Variants in DPYD observed in about 807,000 individuals in gnomAD.
The protein encoded by DPYD is dihydropyrimidine dehydrogenase.
DPYD carries 109 observed loss-of-function variants against 116.2 expected under a neutral mutation model. The ratio of observed to expected loss-of-function variants is 0.94; its 90% CI spans 0.80 to 1.10. The LOEUF is 1.10. DPYD is among the 50% of genes least tolerant of loss of function. The pLI, the probability that DPYD is intolerant of heterozygous loss-of-function variation, is 0.00. For synonymous variants in DPYD, 440 were observed against 432.0 expected (o/e 1.02, Z -0.23); for missense variants, 1,302 against 1,254.5 (o/e 1.04, Z -0.57).
intron 17 of DPYD, among the ~76,000 whole-genome samples, chr1:97,305,721 C>T (rs1483294659): frequency 6.6e-6 from 1 of 151,914 alleles, no homozygotes; most frequent in Admixed American, 6.6e-5. Flanking sequence ...TTGTATTCAA[C>T]AGATATTTAT....
chr1:97,785,851 C>A (rs1459017107), intron 3 of DPYD, among the ~76,000 whole-genome samples: 1 of 151,384 alleles, frequency 6.6e-6, no homozygotes, highest in Non-Finnish European at 1.5e-5. Flanking sequence ...GGCCACCACG[C>A]CCAGCTAATT....
chr1:97,292,474 G>A (rs929132574), intron 18 of DPYD, among the ~76,000 whole-genome samples: 11 of 152,144 alleles, frequency 7.2e-5, no homozygotes, highest in African/African-American at 2.7e-4. Flanking sequence ...ACTATCATGA[G>A]AACAGCATAG....
At chr1:97,810,944 G>C (rs1163128548) in intron 3 of DPYD, among the ~76,000 whole-genome samples, 1 of 152,054 alleles carries the variant, frequency 6.6e-6, no homozygotes, top group East Asian at 1.9e-4. Flanking sequence ...CTCCCACAAT[G>C]TAACTCCGTA....
intron 3 of DPYD, among the ~76,000 whole-genome samples, chr1:97,779,423 T>C (rs1213530558): frequency 6.6e-6 from 1 of 151,866 alleles, no homozygotes; most frequent in Non-Finnish European, 1.5e-5. Context: ...AATACACTAG[T>C]GTGTGAAATT....
In DPYD at chr1:97,212,503, T is replaced by C. The variant is rs148142438; in HGVS notation, c.2443-19255A>G. ...ATTTAGACTGTGTCCAGTTTTGGGG[T>C]ATTAGAAACAATGCTGCTATGACCA... On this transcript the variant is annotated intron_variant, in intron 19 of 22. Transcript: ENST00000370192. Among the ~76,000 whole-genome samples, 1,498 of 152,156 alleles carry C rather than the reference T, an allele frequency of 9.8e-3. 26 individuals carry two copies. The highest frequency in any genetic ancestry group is 0.034 in the African/African-American group (1,405 of 41,530).
intron 19 of DPYD, among the ~76,000 whole-genome samples, chr1:97,193,875 C>T (rs1658562651): frequency 6.6e-6 from 1 of 152,154 alleles, no homozygotes; most frequent in South Asian, 2.1e-4. Flanking sequence ...TTCTTTTCCA[C>T]ACATGGCTAA....
At position 97,379,788 on chromosome 1, in the gene DPYD, T is replaced by C. The variant is rs181057757; in HGVS notation, c.1974+2605A>G. 6.6e-5 allele frequency among the ~76,000 whole-genome samples: 10 copies of C among 152,330 alleles called. No homozygotes were observed. In the East Asian group the frequency reaches 1.9e-3, roughly 29 times the overall value. On this transcript the variant is annotated intron_variant, in intron 15 of 22. Transcript: ENST00000370192. ...GCCCTACGGAGTGAAATGGGGCCAG[T>C]GAGAGACAGGAGACTGAAGGAGCCA...
At chr1:97,364,873 G>C (rs1670942390) in intron 16 of DPYD, among the ~76,000 whole-genome samples, 1 of 152,114 alleles carries the variant, frequency 6.6e-6, no homozygotes, top group Non-Finnish European at 1.5e-5. Context: ...TCCTTCTCTA[G>C]TCAGGCAAAT....
At chr1:97,204,147 T>C (rs1230263934) in intron 19 of DPYD, among the ~76,000 whole-genome samples, 7 of 152,122 alleles carry the variant, frequency 4.6e-5, no homozygotes, top group East Asian at 1.9e-4. Context: ...TGCATATTTA[T>C]GGGAGGGCTA....
chr1:97,772,976 T>C (rs1666220124), intron 3 of DPYD, among the ~76,000 whole-genome samples: 1 of 152,188 alleles, frequency 6.6e-6, no homozygotes, highest in African/African-American at 2.4e-5. Context: ...CTGCAGGAGA[T>C]TCACTTGGAG....
chr1:97,752,314 A>G (rs1664977802), intron 3 of DPYD, among the ~76,000 whole-genome samples: 1 of 148,100 alleles, frequency 6.8e-6, no homozygotes, highest in Admixed American at 6.7e-5. Flanking sequence ...ACACACACAC[A>G]CACACACACA....
At chr1:97,818,623 T>C (rs952524554) in intron 3 of DPYD, among the ~76,000 whole-genome samples, 7 of 152,050 alleles carry the variant, frequency 4.6e-5, no homozygotes, top group African/African-American at 1.7e-4. Flanking sequence ...TTTCCCCAAT[T>C]AAATTATATT....
At chr1:97,120,281 T>G (rs2101643467) in intron 20 of DPYD, among the ~76,000 whole-genome samples, 1 of 152,330 alleles carries the variant, frequency 6.6e-6, no homozygotes, top group Non-Finnish European at 1.5e-5. Flanking sequence ...GGTTTCATCT[T>G]AATCTCTTCT....
At chr1:97,548,798 T>C (rs1651099365) in intron 12 of DPYD, among the ~76,000 whole-genome samples, 1 of 152,072 alleles carries the variant, frequency 6.6e-6, no homozygotes, top group Non-Finnish European at 1.5e-5. Context: ...CTGAAATTCA[T>C]CAAATGTTTG....
intron 10 of DPYD, among the ~76,000 whole-genome samples, chr1:97,590,447 C>T (rs549985865): frequency 6.6e-6 from 1 of 152,228 alleles, no homozygotes; most frequent in Admixed American, 6.5e-5. Context: ...AGGTAGCACC[C>T]AAGGTGCTAA....
chr1:97,279,790 G>A (rs75151632), intron 18 of DPYD, among the ~76,000 whole-genome samples: 2,608 of 152,224 alleles, frequency 0.017, 37 homozygotes, highest in Non-Finnish European at 0.026. Context: ...GATTACAGGC[G>A]TGAGACAGAA....
intron 18 of DPYD, among the ~76,000 whole-genome samples, chr1:97,237,800 A>G (rs1662055302): frequency 6.6e-6 from 1 of 152,194 alleles, no homozygotes; most frequent in South Asian, 2.1e-4. Flanking sequence ...GCTTCTTTAC[A>G]TACACACTAC....
intron 12 of DPYD, among the ~76,000 whole-genome samples, chr1:97,548,116 CAAAACAAGAGTGGTA>C (rs1651039503): frequency 1.3e-5 from 2 of 151,768 alleles, no homozygotes; most frequent in East Asian, 1.9e-4. Context: ...ACAAGAGAAC[CAAAACAAGAGTGGTA>C]AAAACAAGAG....
chr1:97,446,500 C>T (rs4950034), intron 14 of DPYD, among the ~76,000 whole-genome samples: 10,704 of 152,114 alleles, frequency 0.07, 405 homozygotes, highest in East Asian at 0.15. Flanking sequence ...AGTAATTAAC[C>T]GAGGAAGTGT....
Sources: gnomAD v4.1 joint callset for allele counts (sites outside exome capture counted in the v4.1 genomes callset) on GRCh38, gnomAD v4.1.1 for gene constraint, MANE v1.5 for transcripts, NCBI Gene and HGNC (gene_info 2026-07-23, HGNC 2026-07-21) for gene names.